The following BBS9 variants were observed in gnomAD, a reference collection of about 807,000 sequenced individuals.
The protein encoded by BBS9 is Bardet-Biedl syndrome 9, also known as protein PTHB1.
BBS9 carries 89 observed loss-of-function variants against 117.7 expected under a neutral mutation model. The observed-to-expected ratio is 0.76, with a 90% CI of 0.64 to 0.90. BBS9 has a LOEUF of 0.90. BBS9 is among the 40% of genes least tolerant of loss of function. BBS9 has a pLI of 0.00. For missense variants in BBS9, 982 were observed against 1,042.2 expected (o/e 0.94, Z 0.80); for synonymous variants, 379 against 370.9 (o/e 1.02, Z -0.25).
At chr7:33,399,382 C>T (rs1217490629) in intron 19 of BBS9, among the ~76,000 whole-genome samples, 2 of 152,200 alleles carry the variant, frequency 1.3e-5, no homozygotes, top group African/African-American at 2.4e-5. Flanking sequence ...AAAAACTATA[C>T]ATTCAAATAT....
At chr7:33,501,998 A>C (rs1337141376) in intron 19 of BBS9, among the ~76,000 whole-genome samples, 9 of 150,852 alleles carry the variant, frequency 6.0e-5, no homozygotes, top group Non-Finnish European at 8.9e-5. Flanking sequence ...GCAACCTCCG[A>C]CTCCCTGGTT....
chr7:33,586,582 A>G (rs1487561698), intron 21 of BBS9, among the ~76,000 whole-genome samples: 1 of 152,090 alleles, frequency 6.6e-6, no homozygotes, highest in Non-Finnish European at 1.5e-5. Context: ...TTTCCCAAAG[A>G]CACATGTACT....
At chr7:33,582,547 CAT>C (rs1491070751) in intron 21 of BBS9, among the ~76,000 whole-genome samples, 8 of 151,768 alleles carry the variant, frequency 5.3e-5, no homozygotes, top group South Asian at 2.1e-4. Flanking sequence ...CACACACACA[CAT>C]ACACACACTG....
chr7:33,175,809 A>G (rs1287804388), intron 4 of BBS9, among the ~76,000 whole-genome samples: 1 of 152,236 alleles, frequency 6.6e-6, no homozygotes, highest in East Asian at 1.9e-4. Flanking sequence ...AAAAACAAGC[A>G]GAAATTTATT....
intron 20 of BBS9, among the ~76,000 whole-genome samples, chr7:33,521,308 C>T (rs961613455): frequency 1.3e-5 from 2 of 152,236 alleles, no homozygotes; most frequent in Admixed American, 6.5e-5. Flanking sequence ...GCACTGCAGC[C>T]GAACCTTCTG....
chr7:33,544,491 A>G lies in BBS9; in HGVS notation c.2521+10315A>G, dbSNP rs549059878. On this transcript the variant is annotated intron_variant, in intron 21 of 22. Coordinates refer to ENST00000242067, the MANE Select transcript of BBS9 (RefSeq NM_198428.3). ...TGGGTCTTAGCCACCCAGCTAGTCTACCTGGCTCCGGGCTGGTACTGCGGG... is the reference window on the plus strand; with the variant it reads ...TGGGTCTTAGCCACCCAGCTAGTCTGCCTGGCTCCGGGCTGGTACTGCGGG... Among the ~76,000 whole-genome samples the G allele has an allele frequency of 4.5e-4, 69 of 152,250 alleles. No homozygotes were observed. In the South Asian group the frequency reaches 0.014, roughly 32 times the overall value.
chr7:33,332,414 C>T (rs978391409), intron 9 of BBS9, among the ~76,000 whole-genome samples: 3 of 152,204 alleles, frequency 2.0e-5, no homozygotes, highest in African/African-American at 7.2e-5. Context: ...GTGTGGGGCT[C>T]ACGCCTGTAA....
intron 19 of BBS9, among the ~76,000 whole-genome samples, chr7:33,501,274 T>TGGGGA (rs1223244407): frequency 3.3e-5 from 5 of 152,348 alleles, no homozygotes; most frequent in Middle Eastern, 3.4e-3. Flanking sequence ...TTGGCTCTTG[T>TGGGGA]GGGGAACACA....
At chr7:33,588,459 T>C (rs1861329726) in intron 21 of BBS9, among the ~76,000 whole-genome samples, 1 of 152,154 alleles carries the variant, frequency 6.6e-6, no homozygotes, top group Admixed American at 6.6e-5. Flanking sequence ...AGTTGACAAC[T>C]AAATATCGTG....
chr7:33,576,661 A>G (rs1858939946), intron 21 of BBS9, among the ~76,000 whole-genome samples: 2 of 152,178 alleles, frequency 1.3e-5, no homozygotes, highest in Non-Finnish European at 1.5e-5. Context: ...AAACTATACT[A>G]CAAGGCTACA....
chr7:33,493,002 T>A (rs1844226033), intron 19 of BBS9, among the ~76,000 whole-genome samples: 1 of 152,002 alleles, frequency 6.6e-6, no homozygotes, highest in African/African-American at 2.4e-5. Flanking sequence ...TCTTTCTTCT[T>A]TCTTCTTTTT....
At chr7:33,396,058 T>C (rs1212272670) in intron 19 of BBS9, among the ~76,000 whole-genome samples, 1 of 151,936 alleles carries the variant, frequency 6.6e-6, no homozygotes, top group Non-Finnish European at 1.5e-5. Context: ...TGTTTGTGGA[T>C]GAACAGGGGT....
chr7:33,539,393 A>C (rs1303744309), intron 21 of BBS9, among the ~76,000 whole-genome samples: 3 of 151,880 alleles, frequency 2.0e-5, no homozygotes, highest in Non-Finnish European at 4.4e-5. Flanking sequence ...GTGCACCTGC[A>C]CTCCAATCCT....
At chr7:33,496,365 C>T (rs187061974) in intron 19 of BBS9, among the ~76,000 whole-genome samples, 37 of 152,094 alleles carry the variant, frequency 2.4e-4, no homozygotes, top group Admixed American at 2.2e-3. Context: ...ATTAGCTAGG[C>T]GTGGTGGTGG....
chr7:33,243,838 A>G (rs1794912443), intron 5 of BBS9, among the ~76,000 whole-genome samples: 1 of 152,158 alleles, frequency 6.6e-6, no homozygotes. Flanking sequence ...AGAGGACTAC[A>G]CTTAGTGATG....
At chr7:33,405,838 A>C (rs557045608) in intron 19 of BBS9, among the ~76,000 whole-genome samples, 221 of 151,644 alleles carry the variant, frequency 1.5e-3, no homozygotes, top group African/African-American at 5.0e-3. Flanking sequence ...TTGTGTCTCT[A>C]TTTCCTTCAG....
chr7:33,166,828 T>A (rs1040052485), intron 4 of BBS9, among the ~76,000 whole-genome samples: 3 of 152,294 alleles, frequency 2.0e-5, no homozygotes, highest in Middle Eastern at 3.4e-3. Context: ...CCCCAACCCC[T>A]TGCACTTCCT....
intron 9 of BBS9, among the ~76,000 whole-genome samples, chr7:33,275,358 A>G (rs1170955235): frequency 2.0e-5 from 3 of 152,212 alleles, no homozygotes; most frequent in Middle Eastern, 3.2e-3. Context: ...GTCTTTTTAA[A>G]TTTAACAGAA....
At chr7:33,432,123 C>T (rs1465303392) in intron 19 of BBS9, among the ~76,000 whole-genome samples, 3 of 147,800 alleles carry the variant, frequency 2.0e-5, no homozygotes, top group East Asian at 4.0e-4. Context: ...CTCACTCTGT[C>T]GCACAGGCTG....
Sources: gnomAD v4.1 joint callset for allele counts (sites outside exome capture counted in the v4.1 genomes callset) on GRCh38, gnomAD v4.1.1 for gene constraint, MANE v1.5 for transcripts, NCBI Gene and HGNC (gene_info 2026-07-23, HGNC 2026-07-21) for gene names.